GTF2H5: variants seen among roughly 807,000 people sequenced by gnomAD.
GTF2H5 encodes the protein general transcription factor IIH subunit 5, also known as TFB5 ortholog.
A neutral mutation model predicts 7.1 loss-of-function variants in GTF2H5; 5 were observed. The ratio of observed to expected loss-of-function variants is 0.71; its 90% confidence interval spans 0.37 to 1.49. The LOEUF is 1.49. Among genes scored for constraint, GTF2H5 ranks in the 40% most tolerant of loss-of-function variants. The pLI is 0.03. For synonymous variants in GTF2H5, 30 were observed against 31.7 expected (o/e 0.95, Z 0.18); for missense variants, 80 against 83.0 (o/e 0.96, Z 0.14).
At chr6:158,178,812 G>A (rs1267183159) in intron 2 of GTF2H5, among the ~76,000 whole-genome samples, 2 of 152,158 alleles carry the variant, frequency 1.3e-5, no homozygotes, top group Non-Finnish European at 2.9e-5. Flanking sequence ...TGTTCACTCT[G>A]ATGATAGTTT....
rs1777131946 is a variant in GTF2H5, at chr6:158,197,523, G to A, written c.*5366G>A. 1 of 152,136 alleles carries A rather than the reference G, an allele frequency of 6.6e-6. No individual in the cohort carries two copies. Among genetic ancestry groups the A allele is most frequent in the African/African-American group, 2.4e-5 (1 of 41,420 alleles). 9.4% of individuals were successfully genotyped at this position (152,136 alleles called of 1,614,324 possible). A position where few individuals can be genotyped will look rare whatever the true frequency, so the allele number is the denominator to read the frequency against. ...GGTGGAAGTGGCCCAGTCACAGCAA[G>A]AGCAGATTGATCAAGAGCAAAGGTC... On this transcript the variant is annotated 3_prime_UTR_variant, in exon 3 of 3. Coordinates refer to ENST00000607778, the MANE Select transcript of GTF2H5 (RefSeq NM_207118.3).
chr6:158,194,474 C>T lies in GTF2H5; in HGVS notation c.*2317C>T, dbSNP rs1777077648. 6.6e-6 allele frequency: 1 copy of T among 152,196 alleles called. No individual in the cohort carries two copies. The highest frequency in any genetic ancestry group is 2.1e-4 in the South Asian group (1 of 4,830). The allele number at this position is 152,196 out of a possible 1,614,324, so 9.4% of individuals were successfully genotyped here. On this transcript the variant is annotated 3_prime_UTR_variant, in exon 3 of 3. Coordinates refer to ENST00000607778, the MANE Select transcript of GTF2H5 (RefSeq NM_207118.3). ...AATGGTTACAGAGAAACAAACAGTT[C>T]CAGGTGCAGGGGCTCTAAATCTATC...
intron 2 of GTF2H5, among the ~76,000 whole-genome samples, chr6:158,178,146 G>A (rs184439335): frequency 1.8e-4 from 27 of 152,212 alleles, no homozygotes; most frequent in Admixed American, 4.6e-4. Flanking sequence ...GAATCGCCAC[G>A]CTGTCTTCCA....
intron 2 of GTF2H5, among the ~76,000 whole-genome samples, chr6:158,188,530 A>G (rs577613181): frequency 1.3e-5 from 2 of 152,076 alleles, no homozygotes; most frequent in Non-Finnish European, 2.9e-5. Context: ...GCTTTTTTCT[A>G]TTTTATGTTT....
chr6:158,170,632 A>G (rs1409437771), intron 2 of GTF2H5, 94 bp downstream of exon 2: 7 of 911,982 alleles, frequency 7.7e-6, no homozygotes, highest in Non-Finnish European at 1.3e-5. Flanking sequence ...TTTTTAAGAT[A>G]TGGATGAAAT....
At chr6:158,169,366 ATAAT>A (rs1222280587) in intron 1 of GTF2H5, among the ~76,000 whole-genome samples, 1 of 102,318 alleles carries the variant, frequency 9.8e-6, no homozygotes, top group Non-Finnish European at 1.8e-5. Flanking sequence ...ATACATATAT[ATAAT>A]ATGTATATTA....
intron 2 of GTF2H5, chr6:158,190,746 T>C (rs1440668316): frequency 1.0e-5 from 4 of 390,636 alleles, no homozygotes; most frequent in South Asian, 1.9e-5. Flanking sequence ...ACAATTGATA[T>C]TGACATTTCT....
At chr6:158,170,941 A>G (rs1467041066) in intron 2 of GTF2H5, among the ~76,000 whole-genome samples, 3 of 152,202 alleles carry the variant, frequency 2.0e-5, no homozygotes, top group Non-Finnish European at 1.5e-5. Context: ...TCCAGAGGAG[A>G]AACTAAAAAC....
intron 2 of GTF2H5, among the ~76,000 whole-genome samples, chr6:158,191,734 G>T (rs997038158): frequency 6.6e-6 from 1 of 152,106 alleles, no homozygotes; most frequent in East Asian, 1.9e-4. Flanking sequence ...CACCCACCTC[G>T]GCCTCCCAAA....
At chr6:158,170,597 G>T (rs1785842449) in intron 2 of GTF2H5, 59 bp downstream of exon 2, 1 of 1,177,778 alleles carries the variant, frequency 8.5e-7, no homozygotes, top group Non-Finnish European at 1.3e-6. Context: ...TGACTTGTAT[G>T]TATGTCTTTT....
intron 1 of GTF2H5, among the ~76,000 whole-genome samples, chr6:158,169,495 T>TTACA (rs1785746591): frequency 1.8e-5 from 1 of 54,412 alleles, no homozygotes; most frequent in African/African-American, 9.0e-5. Flanking sequence ...ATATTGTATA[T>TTACA]TATATAATAT....
chr6:158,192,223 CT>C lies in GTF2H5; in HGVS notation c.*68del. The C allele has an allele frequency of 8.3e-7, 1 of 1,205,084 alleles. No individual in the cohort carries two copies. The highest frequency in any genetic ancestry group is 1.2e-6 in the Non-Finnish European group (1 of 813,720). The allele number at this position is 1,205,084 out of a possible 1,614,324, so 74.6% of individuals were successfully genotyped here. A position where few individuals can be genotyped will look rare whatever the true frequency, so the allele number is the denominator to read the frequency against. ...CTGTGAAAGACTTGCCACTCAATAT[CT>C]TAGGTGACTGATTAGACATAGAGGG... On this transcript the variant is annotated 3_prime_UTR_variant, in exon 3 of 3. Coordinates refer to ENST00000607778, the MANE Select transcript of GTF2H5 (RefSeq NM_207118.3).
At position 158,170,459 on chromosome 6, in the gene GTF2H5, CTT is replaced by C; in HGVS notation, c.-34-7_-34-6del. ...ATTTTTAATTTAATGTTACCTTACT[CTT>C]TTTATTAGCATTCTTCAGGTCATCT... On this transcript the variant is annotated splice_polypyrimidine_tract_variant and intron_variant, in intron 1 of 2. Transcript: ENST00000607778. The C allele has an allele frequency of 2.0e-6, 3 of 1,515,950 alleles. No homozygotes were observed. Among genetic ancestry groups the C allele is most frequent in the Non-Finnish European group, 2.8e-6 (3 of 1,090,702 alleles). The allele number at this position is 1,515,950 out of a possible 1,614,324, so 93.9% of individuals were successfully genotyped here. A position where few individuals can be genotyped will look rare whatever the true frequency, so the allele number is the denominator to read the frequency against.
chr6:158,172,036 G>A (rs768420289), intron 2 of GTF2H5, among the ~76,000 whole-genome samples: 11 of 141,008 alleles, frequency 7.8e-5, no homozygotes, highest in Non-Finnish European at 1.2e-4. Flanking sequence ...CATACACAGA[G>A]TGTCAGCTAT....
chr6:158,175,237 T>TA (rs1276809752), intron 2 of GTF2H5, among the ~76,000 whole-genome samples: 1 of 152,132 alleles, frequency 6.6e-6, no homozygotes, highest in African/African-American at 2.4e-5. Context: ...CTTGATAAAT[T>TA]AAAGTTTTAG....
chr6:158,185,540 C>CA (rs35857314), intron 2 of GTF2H5, among the ~76,000 whole-genome samples: 25,557 of 81,242 alleles, frequency 0.31, 4,109 homozygotes, highest in African/African-American at 0.54. Context: ...GGCCCTGTCT[C>CA]AAAAAAAAAA....
At chr6:158,178,060 A>G (rs1358073300) in intron 2 of GTF2H5, among the ~76,000 whole-genome samples, 1 of 152,136 alleles carries the variant, frequency 6.6e-6, no homozygotes, top group East Asian at 1.9e-4. Context: ...TCATAGAATG[A>G]TTTATAATCC....
Position 158,170,555 on chromosome 6 carries a change from C to T in GTF2H5, c.35+17C>T. 1 of 1,557,392 alleles carries T rather than the reference C, an allele frequency of 6.4e-7. No individual in the cohort carries two copies. Among genetic ancestry groups the T allele is most frequent in the Non-Finnish European group, 8.9e-7 (1 of 1,128,166 alleles). ...TATAGAATGGTTAGTAGTTTTGATA[C>T]TGCATGAGTTTTAAGTTTAAATATT... On this transcript the variant is annotated intron_variant, in intron 2 of 2. Coordinates refer to ENST00000607778, the MANE Select transcript of GTF2H5 (RefSeq NM_207118.3).
chr6:158,178,477 A>G (rs1001971064), intron 2 of GTF2H5, among the ~76,000 whole-genome samples: 34 of 144,962 alleles, frequency 2.3e-4, no homozygotes, highest in African/African-American at 7.2e-4. Flanking sequence ...AAAAAAAAAA[A>G]GCATTCCTAT....
Sources: allele counts gnomAD v4.1 joint callset (sites outside exome capture counted in the v4.1 genomes callset), GRCh38; gene constraint gnomAD v4.1.1; transcripts MANE v1.5; gene names NCBI Gene and HGNC (gene_info 2026-07-23, HGNC 2026-07-21).